The following SART3 variants were observed in gnomAD, a reference collection of about 807,000 sequenced individuals.
SART3 encodes the protein spliceosome associated factor 3, U4/U6 recycling protein.
SART3 carries 44 observed loss-of-function variants against 122.3 expected under a neutral mutation model. That is an observed-to-expected ratio of 0.36 (90% CI 0.28 to 0.46). The LOEUF is 0.46. SART3 is among the 20% of genes least tolerant of loss of function. SART3 has a pLI of 1.00. For synonymous variants in SART3, 442 were observed against 454.0 expected (o/e 0.97, Z 0.34); for missense variants, 1,101 against 1,229.0 (o/e 0.90, Z 1.56).
In SART3 at chr12:108,532,261, G is replaced by A; in HGVS notation, c.1630C>T (p.His544Tyr). 1 of 1,614,180 alleles carries A rather than the reference G, an allele frequency of 6.2e-7. No individual in the cohort carries two copies. The highest frequency in any genetic ancestry group is 8.5e-7 in the Non-Finnish European group (1 of 1,180,012). ...ATGGTGAGTAACACTTCGCAGACGT[G>A]CTCTGGGTAGTCACTGGTGCACTGG... The part of the protein sequence containing the change: ...AVQCTSDYPE[H>Y]VCEVLLTMER... The change falls in exon 13 of 19, where the codon CAC becomes TAC. Residue 544 changes from histidine (H) to tyrosine (Y), a missense_variant. By Grantham distance (83) the His-to-Tyr change is moderately conservative. Transcript: ENST00000546815.
chr12:108,559,184 G>T (rs1056538231), intron 1 of SART3, among the ~76,000 whole-genome samples: 1 of 152,118 alleles, frequency 6.6e-6, no homozygotes, highest in Non-Finnish European at 1.5e-5. Context: ...GTGCCAGAGA[G>T]AGTATTATAA....
chr12:108,551,810 G>A lies in SART3; in HGVS notation c.313-2596C>T, dbSNP rs1184853707. Among the ~76,000 whole-genome samples the A allele has an allele frequency of 2.0e-5, 3 of 152,152 alleles. No individual in the cohort carries two copies. The South Asian group carries it at 6.2e-4, about 32-fold the overall frequency. ...AACCACTAACAGTAAGAAAATCTCT[G>A]AACACGTGAAAATTAAGTAATACAC... On this transcript the variant is annotated intron_variant, in intron 1 of 18. Coordinates refer to ENST00000546815, the MANE Select transcript of SART3 (RefSeq NM_014706.4).
At chr12:108,542,797 C>CG (rs745756815) in intron 6 of SART3, 22 of 621,086 alleles carry the variant, frequency 3.5e-5, no homozygotes, top group South Asian at 3.2e-4. Flanking sequence ...AGGAGGCAAT[C>CG]GGAGAGGGGC....
chr12:108,550,902 A>T (rs2029977616), intron 1 of SART3, among the ~76,000 whole-genome samples: 1 of 152,190 alleles, frequency 6.6e-6, no homozygotes, highest in Non-Finnish European at 1.5e-5. Context: ...CAAATAATCC[A>T]CAGAAAGGCA....
chr12:108,532,436 C>T (rs1872720368), intron 12 of SART3, 102 bp from the exon 13 acceptor site: 2 of 883,554 alleles, frequency 2.3e-6, no homozygotes, highest in South Asian at 2.8e-5. Context: ...TCTTCAGTAA[C>T]TCTAGCTTCT....
chr12:108,542,475 TCTC>T (rs1873212273), intron 6 of SART3, among the ~76,000 whole-genome samples: 1 of 152,126 alleles, frequency 6.6e-6, no homozygotes, highest in South Asian at 2.1e-4. Flanking sequence ...CGCTGCTCCT[TCTC>T]CTAGCAAAAA....
At chr12:108,555,977 A>T (rs1463546490) in intron 1 of SART3, among the ~76,000 whole-genome samples, 2 of 152,232 alleles carry the variant, frequency 1.3e-5, no homozygotes, top group Non-Finnish European at 2.9e-5. Context: ...GAGAGAGCCC[A>T]AAACAGACCC....
At chr12:108,546,357 G>A (rs1490349488) in intron 3 of SART3, among the ~76,000 whole-genome samples, 2 of 151,656 alleles carry the variant, frequency 1.3e-5, no homozygotes, top group Non-Finnish European at 2.9e-5. Context: ...ATGCCACCAC[G>A]CCTAGCTAGT....
At chr12:108,544,204 GTCTGGCT>G (rs1873300446) in intron 5 of SART3, among the ~76,000 whole-genome samples, 1 of 152,216 alleles carries the variant, frequency 6.6e-6, no homozygotes, top group East Asian at 1.9e-4. Flanking sequence ...GAGTCAGGGA[GTCTGGCT>G]TCCAGTCCTG....
chr12:108,532,515 A>C (rs1464560456), intron 12 of SART3, 181 bp from the exon 13 acceptor site: 16 of 586,628 alleles, frequency 2.7e-5, no homozygotes, highest in Non-Finnish European at 4.6e-5. Context: ...GTCACCTACG[A>C]AGTATTTCCC....
At chr12:108,560,786 T>C in intron 1 of SART3, 57 bp downstream of exon 1, 3 of 1,466,316 alleles carry the variant, frequency 2.0e-6, no homozygotes, top group Non-Finnish European at 2.8e-6. Context: ...GGCCAGGACA[T>C]GGGGACCCGA....
At chr12:108,537,699 A>G (rs1872978417) in intron 8 of SART3, 104 bp from the exon 9 acceptor site, 1 of 840,508 alleles carries the variant, frequency 1.2e-6, no homozygotes, top group Non-Finnish European at 2.0e-6. Context: ...TTTAAAGACT[A>G]ATAGATGCAA....
At position 108,557,551 on chromosome 12, in the gene SART3, G is replaced by A. The variant is rs150945591; in HGVS notation, c.312+3292C>T. Among the ~76,000 whole-genome samples, 299 of 152,246 alleles carry A rather than the reference G, an allele frequency of 2.0e-3. 3 individuals carry two copies. Among genetic ancestry groups the A allele is most frequent in the African/African-American group, 5.8e-3 (243 of 41,544 alleles). On this transcript the variant is annotated intron_variant, in intron 1 of 18. Transcript: ENST00000546815. ...GAGAATGGAGCAGCACCTATTATGC[G>A]CCAAACTGTGCCAGGCGCTTTACGC...
At chr12:108,536,329 A>G (rs1332086234) in intron 11 of SART3, among the ~76,000 whole-genome samples, 185 bp downstream of exon 11, 2 of 152,226 alleles carry the variant, frequency 1.3e-5, no homozygotes, top group Non-Finnish European at 2.9e-5. Context: ...ATATTTACAA[A>G]TATATGTCAA....
At chr12:108,560,534 G>C (rs1384077967) in intron 1 of SART3, 5 of 427,222 alleles carry the variant, frequency 1.2e-5, no homozygotes, top group Non-Finnish European at 2.1e-5. Flanking sequence ...CAAAGTACAA[G>C]GCCTGACTTG....
chr12:108,549,015 C>T, intron 2 of SART3, 73 bp downstream of exon 2: 1 of 1,604,708 alleles, frequency 6.2e-7, no homozygotes, highest in Non-Finnish European at 8.5e-7. Context: ...GGAGCATGTC[C>T]CACTTTCAAC....
chr12:108,547,425 A>G (rs568499321), intron 3 of SART3, among the ~76,000 whole-genome samples: 2 of 152,328 alleles, frequency 1.3e-5, no homozygotes, highest in African/African-American at 4.8e-5. Flanking sequence ...TTGATTTTGT[A>G]TTACAGAAAC....
chr12:108,543,089 A>G lies in SART3; in HGVS notation c.845T>C (p.Ile282Thr). ...WSEDPIPESV[I>T]QNYNKALQQL... ...CTGTAGTGCTTTGTTATAGTTCTGA[A>G]TTACTGACTCTGGTATTGGGTCTTC... The change falls in exon 6 of 19, where the codon ATT becomes ACT. Residue 282 changes from isoleucine (I) to threonine (T), a missense_variant. By Grantham distance (89) the Ile-to-Thr change is moderately conservative. Around this residue, in one of 2 missense-constraint regions of SART3, gnomAD observed 885 missense variants for 1,080.1 expected, o/e 0.82. Transcript: ENST00000546815. The G allele has an allele frequency of 6.2e-7, 1 of 1,614,238 alleles. No individual in the cohort carries two copies. The highest frequency in any genetic ancestry group is 8.5e-7 in the Non-Finnish European group (1 of 1,180,036).
At chr12:108,555,743 G>T (rs1414514074) in intron 1 of SART3, among the ~76,000 whole-genome samples, 1 of 152,120 alleles carries the variant, frequency 6.6e-6, no homozygotes, top group Non-Finnish European at 1.5e-5. Flanking sequence ...TTATGGCAAA[G>T]ACGTCAATTC....
Sources: allele counts gnomAD v4.1 joint callset (sites outside exome capture counted in the v4.1 genomes callset), GRCh38; gene constraint gnomAD v4.1.1; regional missense constraint gnomAD v4.1.1; transcripts MANE v1.5; gene names NCBI Gene and HGNC (gene_info 2026-07-23, HGNC 2026-07-21).